FAT1: variants seen among roughly 807,000 people sequenced by gnomAD.
FAT1 encodes protocadherin Fat 1.
FAT1 carries 171 observed loss-of-function variants against 329.8 expected under a neutral mutation model. That is an observed-to-expected ratio of 0.52 (90% CI 0.46 to 0.59). The LOEUF is 0.59. FAT1 is among the 20% of genes least tolerant of loss of function. The pLI is 0.00. For missense variants in FAT1, 5,672 were observed against 5,774.4 expected (o/e 0.98, Z 0.57); for synonymous variants, 2,233 against 2,228.6 (o/e 1.00, Z -0.06).
chr4:186,700,335 A>G (rs327069), intron 2 of FAT1, among the ~76,000 whole-genome samples: 3,583 of 152,218 alleles, frequency 0.024, 136 homozygotes, highest in African/African-American at 0.082. Flanking sequence ...CAAATATGAC[A>G]CCTGTCCATC....
Position 186,709,603 on chromosome 4 carries a change from A to C in FAT1, c.225T>G (p.Val75=). The change falls in exon 2 of 27, where the codon GTT becomes GTG. Residue 75 remains valine, a synonymous_variant. Coordinates refer to ENST00000441802, the MANE Select transcript of FAT1 (RefSeq NM_005245.4). ...HPAWEVRYKI[V]SGDSENLFKA... ...TGAACAGGTTTTCACTGTCTCCGGA[A>C]ACAATTTTGTACCTTACTTCCCACG... The C allele has an allele frequency of 3.7e-6, 6 of 1,613,992 alleles. No individual in the cohort carries two copies. The highest frequency in any genetic ancestry group is 5.1e-6 in the Non-Finnish European group (6 of 1,179,886).
chr4:186,692,080 A>C (rs1009310724), intron 2 of FAT1, among the ~76,000 whole-genome samples: 1 of 152,148 alleles, frequency 6.6e-6, no homozygotes, highest in Non-Finnish European at 1.5e-5. Flanking sequence ...TGTATATGTC[A>C]ATGTGTTCAA....
Position 186,619,541 on chromosome 4 carries a change from C to T in FAT1, c.7045G>A (p.Asp2349Asn), listed in dbSNP as rs759469905. 28 of 1,613,770 alleles carry T rather than the reference C, an allele frequency of 1.7e-5. No individual in the cohort carries two copies. The highest frequency in any genetic ancestry group is 2.3e-5 in the Non-Finnish European group (27 of 1,179,894). ...GTGTGCTGCCGGGACTGCTCGTAATCCAGGGTTCTGAGTAGTGAGATGAGG... is the reference window on the plus strand; with the variant it reads ...GTGTGCTGCCGGGACTGCTCGTAATTCAGGGTTCTGAGTAGTGAGATGAGG... Reference protein sequence around the residue: ...TGLISLLRTLDYEQSRQHTIF... With the variant: ...TGLISLLRTLNYEQSRQHTIF... The change falls in exon 10 of 27, where the codon GAT (aspartate) becomes AAT (asparagine). Residue 2349 changes from aspartate (D) to asparagine (N), a missense_variant. This residue lies in a region of FAT1 where 3,966 missense variants were observed against 3,915.2 expected (regional missense o/e 1.01). Transcript: ENST00000441802.
At position 186,663,310 on chromosome 4, in the gene FAT1, T is replaced by C; in HGVS notation, c.3569A>G (p.His1190Arg). Reference sequence around the variant, plus strand: ...GTATTAACACATACCTGTTTTAGGATGTATTGAAAAGAATCCTTGTGGATT... The same window carrying C: ...GTATTAACACATACCTGTTTTAGGACGTATTGAAAAGAATCCTTGTGGATT... ...SGNPQGFFSI[H>R]PKTGLITTTS... Residue 1190 changes from histidine to arginine, a missense_variant, in exon 3 of 27, where the codon CAT (histidine) becomes CGT (arginine). His to Arg is a conservative substitution (Grantham distance 29). Around this residue, in one of 2 missense-constraint regions of FAT1, gnomAD observed 3,966 missense variants for 3,915.2 expected, o/e 1.01. Transcript: ENST00000441802. The C allele has an allele frequency of 6.2e-7, 1 of 1,612,302 alleles. No individual in the cohort carries two copies. The highest frequency in any genetic ancestry group is 8.5e-7 in the Non-Finnish European group (1 of 1,178,782).
At chr4:186,613,738 CA>C (rs1252270539) in intron 12 of FAT1, among the ~76,000 whole-genome samples, 1 of 151,724 alleles carries the variant, frequency 6.6e-6, no homozygotes, top group African/African-American at 2.4e-5. Context: ...CCAATTTTAC[CA>C]AAATACAAAA....
Position 186,611,779 on chromosome 4 carries a change from T to C in FAT1, c.9464-4A>G, listed in dbSNP as rs900219046. 2 of 1,540,238 alleles carry C rather than the reference T, an allele frequency of 1.3e-6. No homozygotes were observed. The highest frequency in any genetic ancestry group is 1.4e-5 in the African/African-American group (1 of 71,914). ...TATAAAATCTTCCGATTTAATCCTA[T>C]GAAGACATAAAAACATGTCAAAAGA... is the stretch of plus-strand genomic sequence containing the variant. On this transcript the variant is annotated splice_polypyrimidine_tract_variant and splice_region_variant and intron_variant, in intron 13 of 26. Coordinates refer to ENST00000441802, the MANE Select transcript of FAT1 (RefSeq NM_005245.4).
intron 2 of FAT1, among the ~76,000 whole-genome samples, chr4:186,673,682 C>T (rs1177449435): frequency 6.6e-6 from 1 of 152,230 alleles, no homozygotes; most frequent in East Asian, 1.9e-4. Context: ...GCTGAGGAAG[C>T]TTTCTGACTT....
chr4:186,592,666 C>CA (rs1380963470), intron 26 of FAT1: 5 of 456,312 alleles, frequency 1.1e-5, no homozygotes, highest in Non-Finnish European at 2.2e-5. Context: ...AAGACACAGA[C>CA]ACAAGCACGA....
At position 186,706,894 on chromosome 4, in the gene FAT1, T is replaced by C; in HGVS notation, c.2934A>G (p.Lys978=). 6.2e-7 allele frequency: 1 copy of C among 1,613,840 alleles called. No homozygotes were observed. Among genetic ancestry groups the C allele is most frequent in the Non-Finnish European group, 8.5e-7 (1 of 1,179,868 alleles). The change falls in exon 2 of 27, where the codon AAA becomes AAG. Residue 978 remains lysine, a synonymous_variant. Transcript: ENST00000441802. ...GGACGATCCTAACTGCTCCACTGAGTTTATCCACATCGAAGTTTCCTTCTC... is the reference window on the plus strand; with the variant it reads ...GGACGATCCTAACTGCTCCACTGAGCTTATCCACATCGAAGTTTCCTTCTC... The part of the protein sequence containing the change: ...DHGEGNFDVD[K]LSGAVRIVQQ...
At chr4:186,678,787 G>A (rs932481433) in intron 2 of FAT1, among the ~76,000 whole-genome samples, 2 of 152,130 alleles carry the variant, frequency 1.3e-5, no homozygotes, top group Non-Finnish European at 2.9e-5. Context: ...ACAGTGTGGC[G>A]ATTCCTTAAG....
At chr4:186,593,098 C>G (rs892276969) in intron 26 of FAT1, among the ~76,000 whole-genome samples, 1 of 152,144 alleles carries the variant, frequency 6.6e-6, no homozygotes, top group Non-Finnish European at 1.5e-5. Flanking sequence ...AGGCAAGACT[C>G]GACATTCCAA....
chr4:186,712,937 C>A (rs1016022972), intron 1 of FAT1, among the ~76,000 whole-genome samples: 1 of 105,184 alleles, frequency 9.5e-6, no homozygotes, highest in African/African-American at 4.5e-5. Flanking sequence ...TGAGGGACAG[C>A]GGTAAGGCCG....
chr4:186,616,809 G>A (rs945414250), intron 11 of FAT1, among the ~76,000 whole-genome samples, 196 bp downstream of exon 11: 2 of 152,138 alleles, frequency 1.3e-5, no homozygotes, highest in African/African-American at 4.8e-5. Context: ...TCTAGAATGA[G>A]GCTTTTGATT....
rs774518746 is a variant in FAT1, at chr4:186,619,673, C to T, written c.6913G>A (p.Val2305Ile). 3.1e-6 allele frequency: 5 copies of T among 1,613,986 alleles called. No individual in the cohort carries two copies. Among genetic ancestry groups the T allele is most frequent in the Middle Eastern group, 1.6e-4 (1 of 6,062 alleles). ...TCTGAATCAGAATCGGTGGCTCTAA[C>T]TTGAACAACAGACGTTCCAATTACA... is the stretch of plus-strand genomic sequence containing the variant. ...ASVIGTSVVQ[V>I]RATDSDSEPN... is the part of the protein sequence containing the mutation. Residue 2305 changes from valine to isoleucine, a missense_variant, in exon 10 of 27, where the codon GTT (valine) becomes ATT (isoleucine). Physicochemically the swap from Val to Ile is conservative, Grantham distance 29. This residue lies in a region of FAT1 where 3,966 missense variants were observed against 3,915.2 expected (regional missense o/e 1.01). Transcript: ENST00000441802.
chr4:186,603,910 C>T lies in FAT1; in HGVS notation c.10616G>A (p.Ser3539Asn), dbSNP rs2126435187. 1.9e-6 allele frequency: 3 copies of T among 1,613,876 alleles called. No homozygotes were observed. Among genetic ancestry groups the T allele is most frequent in the South Asian group, 1.1e-5 (1 of 91,086 alleles). Residue 3539 changes from serine (S) to asparagine (N), a missense_variant, in exon 19 of 27, where the codon AGC becomes AAC. Ser to Asn is a conservative substitution (Grantham distance 46, BLOSUM62 1). Coordinates refer to ENST00000441802, the MANE Select transcript of FAT1 (RefSeq NM_005245.4). ...TYIDIRVIEE[S>N]IYPPAILPLE... ...GGGCAAAATCGCAGGCGGATAGATGCTCTCCTCAATTACCCTAATGTCAAT... is the reference window on the plus strand; with the variant it reads ...GGGCAAAATCGCAGGCGGATAGATGTTCTCCTCAATTACCCTAATGTCAAT...
intron 16 of FAT1, among the ~76,000 whole-genome samples, chr4:186,608,939 T>A (rs1233808675): frequency 6.6e-6 from 1 of 152,236 alleles, no homozygotes; most frequent in African/African-American, 2.4e-5. Flanking sequence ...CTCAGAACAC[T>A]GGAACCAACA....
chr4:186,704,748 A>G (rs577167798), intron 2 of FAT1, among the ~76,000 whole-genome samples: 8 of 152,186 alleles, frequency 5.3e-5, no homozygotes, highest in African/African-American at 1.7e-4. Context: ...AAGACATTCT[A>G]CTCTTCAGAG....
In FAT1 at chr4:186,660,699, C is replaced by A. The variant is rs188967858; in HGVS notation, c.3580+2600G>T. Among the ~76,000 whole-genome samples, 153 of 152,282 alleles carry A rather than the reference C, an allele frequency of 1.0e-3. 1 individual carries two copies. Among genetic ancestry groups the A allele is most frequent in the African/African-American group, 3.6e-3 (149 of 41,536 alleles). On this transcript the variant is annotated intron_variant, in intron 3 of 26. Transcript: ENST00000441802. ...AACAGCACAGACATCTCTGCAAACACCTTTTCTTTAGAGTTGTCAGAATAG... is the reference window on the plus strand; with the variant it reads ...AACAGCACAGACATCTCTGCAAACAACTTTTCTTTAGAGTTGTCAGAATAG...
chr4:186,647,087 T>G (rs1322842272), intron 3 of FAT1, among the ~76,000 whole-genome samples: 2 of 152,260 alleles, frequency 1.3e-5, no homozygotes, highest in African/African-American at 4.8e-5. Flanking sequence ...CTCAGAATGC[T>G]GTTCCCAAAT....
Sources: allele counts gnomAD v4.1 joint callset (sites outside exome capture counted in the v4.1 genomes callset), GRCh38; gene constraint gnomAD v4.1.1; regional missense constraint gnomAD v4.1.1; transcripts MANE v1.5; gene names NCBI Gene and HGNC (gene_info 2026-07-23, HGNC 2026-07-21).